Variants in KIF26B observed in about 807,000 individuals in gnomAD.
KIF26B encodes the protein kinesin-like protein KIF26B.
Under a neutral mutation model 151.2 loss-of-function variants are expected in KIF26B, and 63 were observed. The observed-to-expected ratio is 0.42, with a 90% CI of 0.34 to 0.51. The LOEUF (loss-of-function observed/expected upper bound fraction) is 0.51, where lower values mean the gene tolerates loss of function less well. KIF26B is among the 20% of genes least tolerant of loss of function. KIF26B has a pLI of 0.07. For missense variants in KIF26B, 2,813 were observed against 2,913.6 expected, an observed-to-expected ratio of 0.97 and a Z score of 0.79; for synonymous variants, 1,357 against 1,262.1, an observed-to-expected ratio of 1.08 and a Z score of -1.59.
intron 3 of KIF26B, among the ~76,000 whole-genome samples, chr1:245,394,872 A>T (rs1673792666): frequency 6.6e-6 from 1 of 151,864 alleles, no homozygotes; most frequent in Admixed American, 6.6e-5. Context: ...TTGTATTTAT[A>T]GTAGAGATGG....
At chr1:245,272,219 A>C (rs564910903) in intron 2 of KIF26B, among the ~76,000 whole-genome samples, 4 of 151,660 alleles carry the variant, frequency 2.6e-5, no homozygotes, top group Non-Finnish European at 5.9e-5. Context: ...TTCTGATTTT[A>C]TTTATTTGGA....
chr1:245,287,492 CTCTCTCTTTTTT>C (rs1278828338), intron 2 of KIF26B, among the ~76,000 whole-genome samples: 7 of 136,548 alleles, frequency 5.1e-5, no homozygotes, highest in Non-Finnish European at 9.3e-5. Flanking sequence ...TCTCATCTCT[CTCTCTCTTTTTT>C]TTTTTTTTTT....
intron 6 of KIF26B, among the ~76,000 whole-genome samples, chr1:245,604,491 T>G (rs934683579): frequency 6.6e-6 from 1 of 152,214 alleles, no homozygotes; most frequent in Admixed American, 6.5e-5. Context: ...ACATTTTTTG[T>G]GTGGCATATC....
chr1:245,348,084 C>G (rs902740340), intron 2 of KIF26B, among the ~76,000 whole-genome samples: 2 of 152,230 alleles, frequency 1.3e-5, no homozygotes, highest in African/African-American at 4.8e-5. Context: ...AGATCATTCC[C>G]TCCTTCCTGG....
At position 245,205,462 on chromosome 1, in the gene KIF26B, C is replaced by CAATAAT. The variant is rs149425079; in HGVS notation, c.465+48790_465+48795dup. On this transcript the variant is annotated intron_variant, in intron 2 of 14. Coordinates refer to ENST00000407071, the MANE Select transcript of KIF26B (RefSeq NM_018012.4). The stretch of plus-strand genomic sequence containing the variant: ...TAGGGGGAATAATACTTGAAGTGTA[C>CAATAAT]AATAATAATAATAATATGCTCAACC... Among the ~76,000 whole-genome samples the CAATAAT allele has an allele frequency of 7.5e-3, 1,133 of 151,896 alleles. 36 individuals carry two copies. The East Asian group carries it at 0.13, about 18-fold the overall frequency.
chr1:245,209,399 T>G (rs1206627985), intron 2 of KIF26B, among the ~76,000 whole-genome samples: 2 of 146,856 alleles, frequency 1.4e-5, no homozygotes, highest in Admixed American at 6.8e-5. Context: ...AGACTACATC[T>G]AAAAAAAATA....
In KIF26B at chr1:245,697,297, A is replaced by G. The variant is rs981306407; in HGVS notation, c.5825-809A>G. ...GAGTTTAGTCTCCATTCTGGGAGCC[A>G]TGTGCTTCACTAATACCCAGGGTCT... On this transcript the variant is annotated intron_variant, in intron 12 of 14. Transcript: ENST00000407071. Among the ~76,000 whole-genome samples, 4 of 152,202 alleles carry G rather than the reference A, an allele frequency of 2.6e-5. No homozygotes were observed. In the South Asian group the frequency reaches 6.2e-4, roughly 24 times the overall value.
rs1355042297 is a variant in KIF26B, at chr1:245,178,583, T to C, written c.465+21900T>C. Among the ~76,000 whole-genome samples the C allele has an allele frequency of 2.0e-5, 3 of 152,226 alleles. No homozygotes were observed. In the South Asian group the frequency reaches 6.2e-4, roughly 31 times the overall value. The stretch of plus-strand genomic sequence containing the variant: ...CATCGCCACCATCCACCCACTTCCA[T>C]CATCTCAAACCAAAACTCCAAATGC... On this transcript the variant is annotated intron_variant, in intron 2 of 14. Transcript: ENST00000407071.
Position 245,419,660 on chromosome 1 carries a change from G to A in KIF26B, c.1081G>A (p.Ala361Thr), listed in dbSNP as rs762608921. 8.1e-6 allele frequency: 13 copies of A among 1,613,756 alleles called. No individual in the cohort carries two copies. Among genetic ancestry groups the A allele is most frequent in the Admixed American group, 5.0e-5 (3 of 60,002 alleles). The change falls in exon 4 of 15, where the codon GCC becomes ACC. Residue 361 changes from alanine to threonine, a missense_variant. Coordinates refer to ENST00000407071, the MANE Select transcript of KIF26B (RefSeq NM_018012.4). ...LNRYNADKPS[A>T]CSVPASQGSC... ...CCGCTACAATGCAGACAAGCCTTCC[G>A]CCTGCAGTGTCCCAGCCTCGCAGGG...
At chr1:245,565,049 A>T (rs1407912374) in intron 5 of KIF26B, among the ~76,000 whole-genome samples, 1 of 152,140 alleles carries the variant, frequency 6.6e-6, no homozygotes, top group South Asian at 2.1e-4. Flanking sequence ...TTACGTAGGG[A>T]TCACTTGAGC....
intron 2 of KIF26B, among the ~76,000 whole-genome samples, chr1:245,276,341 AAATT>A (rs1485437380): frequency 6.6e-6 from 1 of 152,060 alleles, no homozygotes; most frequent in Non-Finnish European, 1.5e-5. Context: ...TAAAAAAAAA[AAATT>A]CTCCCTGAAA....
rs1187734140 is a variant in KIF26B, at chr1:245,706,961, A to C, written c.*4355A>C. ...TTTCCACCTCCAGAAAGTATCTGTC[A>C]ACATTGGTGGGTAACAGCTTATAAA... On this transcript the variant is annotated 3_prime_UTR_variant, in exon 15 of 15. Transcript: ENST00000407071. 1 of 152,214 alleles carries C rather than the reference A, an allele frequency of 6.6e-6. No homozygotes were observed. The highest frequency in any genetic ancestry group is 1.5e-5 in the Non-Finnish European group (1 of 68,036). 9.4% of individuals were successfully genotyped at this position (152,214 alleles called of 1,614,324 possible).
chr1:245,494,134 G>A (rs1487504646), intron 4 of KIF26B, among the ~76,000 whole-genome samples: 9 of 152,116 alleles, frequency 5.9e-5, no homozygotes, highest in Middle Eastern at 3.4e-3. Flanking sequence ...GTGAAACCCC[G>A]TCTCTACTAA....
At chr1:245,344,450 G>A (rs1431046826) in intron 2 of KIF26B, among the ~76,000 whole-genome samples, 3 of 140,224 alleles carry the variant, frequency 2.1e-5, no homozygotes, top group Non-Finnish European at 4.5e-5. Context: ...AGCCGAGATC[G>A]CGCCACTGCA....
At position 245,682,729 on chromosome 1, in the gene KIF26B, A is replaced by G. The variant is rs148537502; in HGVS notation, c.2259-1504A>G. On this transcript the variant is annotated intron_variant, in intron 10 of 14. Transcript: ENST00000407071. ...CCTGACTGTATATGATCACAACCTA[A>G]CTGAGCAGAACTCACCCTCCACTGC... Among the ~76,000 whole-genome samples, 36 of 146,358 alleles carry G rather than the reference A, an allele frequency of 2.5e-4. 1 individual carries two copies. Among genetic ancestry groups the G allele is most frequent in the African/African-American group, 6.7e-4 (25 of 37,248 alleles).
intron 10 of KIF26B, among the ~76,000 whole-genome samples, chr1:245,656,719 A>G (rs2044078537): frequency 6.6e-6 from 1 of 152,204 alleles, no homozygotes; most frequent in African/African-American, 2.4e-5. Flanking sequence ...TTGAGCTTTA[A>G]TAGAGCTTCA....
rs905664965 is a variant in KIF26B at position 245,338,199 on chromosome 1, A to T, written c.466-28635A>T. Reference sequence around the variant, plus strand: ...AGGAAGATGAAGTTACTCTAGCAAGATTCCTTCAAAATGGTTTACTTGTTT... The same window carrying T: ...AGGAAGATGAAGTTACTCTAGCAAGTTTCCTTCAAAATGGTTTACTTGTTT... On this transcript the variant is annotated intron_variant, in intron 2 of 14. Transcript: ENST00000407071. 3.3e-5 allele frequency among the ~76,000 whole-genome samples: 5 copies of T among 152,356 alleles called. No homozygotes were observed. In the South Asian group the frequency reaches 8.3e-4, roughly 25 times the overall value.
At chr1:245,370,517 C>T (rs951179021) in intron 3 of KIF26B, 2 of 440,832 alleles carry the variant, frequency 4.5e-6, no homozygotes, top group East Asian at 7.2e-5. Flanking sequence ...TCAACACATG[C>T]CTGGCTTGTG....
At chr1:245,386,918 A>G (rs1018271417) in intron 3 of KIF26B, among the ~76,000 whole-genome samples, 1 of 152,166 alleles carries the variant, frequency 6.6e-6, no homozygotes. Flanking sequence ...GGATCTCACC[A>G]AGTGCAGTGT....
Sources: gnomAD v4.1 joint callset for allele counts (sites outside exome capture counted in the v4.1 genomes callset) on GRCh38, gnomAD v4.1.1 for gene constraint, MANE v1.5 for transcripts, NCBI Gene and HGNC (gene_info 2026-07-23, HGNC 2026-07-21) for gene names.